The following LRP12 variants were observed in gnomAD, a reference collection of about 807,000 sequenced individuals.
LRP12 encodes the protein low-density lipoprotein receptor-related protein 12.
LRP12 carries 14 observed loss-of-function variants against 66.0 expected under a neutral mutation model. The ratio of observed to expected loss-of-function variants is 0.21; its 90% CI spans 0.14 to 0.33. The LOEUF (loss-of-function observed/expected upper bound fraction) is 0.33. LRP12 is among the 10% of genes least tolerant of loss of function. The pLI, the probability that LRP12 is intolerant of heterozygous loss-of-function variation, is 1.00. For synonymous variants in LRP12, 357 were observed against 359.1 expected (o/e 0.99, Z 0.07); for missense variants, 889 against 1,053.4 (o/e 0.84, Z 2.16).
chr8:104,513,938 T>C (rs1811035748), intron 2 of LRP12, among the ~76,000 whole-genome samples: 1 of 152,214 alleles, frequency 6.6e-6, no homozygotes, highest in Non-Finnish European at 1.5e-5. Flanking sequence ...TGATCAGACC[T>C]GTGTGTTTCC....
intron 1 of LRP12, among the ~76,000 whole-genome samples, chr8:104,582,805 G>A (rs188528657): frequency 6.6e-6 from 1 of 152,160 alleles, no homozygotes; most frequent in East Asian, 1.9e-4. Flanking sequence ...CTTGCTAAGC[G>A]TCCAAACCAT....
At chr8:104,579,943 G>C (rs1447888264) in intron 1 of LRP12, among the ~76,000 whole-genome samples, 1 of 152,096 alleles carries the variant, frequency 6.6e-6, no homozygotes, top group Non-Finnish European at 1.5e-5. Context: ...ACGGATTGAA[G>C]ACTTAAATAT....
At chr8:104,495,932 CA>C (rs71297279) in intron 5 of LRP12, 886 of 93,028 alleles carry the variant, frequency 9.5e-3, no homozygotes, top group African/African-American at 0.014. Context: ...AAACAAACAA[CA>C]AAAAAAAAAA....
At chr8:104,522,434 AC>A (rs1452165708) in intron 2 of LRP12, among the ~76,000 whole-genome samples, 2 of 152,116 alleles carry the variant, frequency 1.3e-5, no homozygotes, top group Non-Finnish European at 2.9e-5. Flanking sequence ...TATTTTATAT[AC>A]TCTGCTAATT....
rs193169132 is a variant in LRP12 at position 104,532,723 on chromosome 8, A to C, written c.80-760T>G. Among the ~76,000 whole-genome samples the C allele has an allele frequency of 3.3e-5, 5 of 152,248 alleles. No individual in the cohort carries two copies. The East Asian group carries it at 9.7e-4, about 29-fold the overall frequency. On this transcript the variant is annotated intron_variant, in intron 1 of 6. Transcript: ENST00000276654. ...TGGTTGAGAGTGGAGAAAATAGCAA[A>C]TATTGTAATTAACAACTTTTTGTTT...
At chr8:104,583,309 A>G (rs1178582374) in intron 1 of LRP12, among the ~76,000 whole-genome samples, 2 of 152,094 alleles carry the variant, frequency 1.3e-5, no homozygotes, top group Admixed American at 1.3e-4. Flanking sequence ...CTCCCTTACA[A>G]CCATTATGTT....
At chr8:104,570,958 T>A (rs561224407) in intron 1 of LRP12, among the ~76,000 whole-genome samples, 1 of 152,242 alleles carries the variant, frequency 6.6e-6, no homozygotes, top group East Asian at 1.9e-4. Context: ...AAGAAGTATA[T>A]GAGAAGATGT....
chr8:104,527,380 C>T (rs1296234162), intron 2 of LRP12, among the ~76,000 whole-genome samples: 4 of 150,960 alleles, frequency 2.6e-5, no homozygotes, highest in Non-Finnish European at 5.9e-5. Flanking sequence ...GACACATGCA[C>T]ACCTATGTTT....
intron 1 of LRP12, among the ~76,000 whole-genome samples, chr8:104,550,712 A>G (rs1400377534): frequency 6.6e-6 from 1 of 152,018 alleles, no homozygotes; most frequent in Non-Finnish European, 1.5e-5. Context: ...CATGTCTTTG[A>G]TATTTCTTTC....
At chr8:104,552,532 C>T (rs1209010442) in intron 1 of LRP12, among the ~76,000 whole-genome samples, 2 of 151,622 alleles carry the variant, frequency 1.3e-5, no homozygotes, top group African/African-American at 4.8e-5. Flanking sequence ...TTTTTTCTCT[C>T]AGCAAATAGC....
At chr8:104,558,756 G>GAA (rs373812757) in intron 1 of LRP12, among the ~76,000 whole-genome samples, 1 of 137,770 alleles carries the variant, frequency 7.3e-6, no homozygotes. Flanking sequence ...AGAGCAGTAA[G>GAA]AAAAAAAAAA....
At position 104,581,512 on chromosome 8, in the gene LRP12, G is replaced by A. The variant is rs561716802; in HGVS notation, c.79+7307C>T. Among the ~76,000 whole-genome samples, 5 of 151,182 alleles carry A rather than the reference G, an allele frequency of 3.3e-5. No homozygotes were observed. The South Asian group carries it at 1.0e-3, about 32-fold the overall frequency. ...TTACTTATATAACAAACCTGCACAT[G>A]TACTCCTGAACTTAAAAGTGAAAAA... On this transcript the variant is annotated intron_variant, in intron 1 of 6. Transcript: ENST00000276654.
At chr8:104,566,167 A>G (rs918633202) in intron 1 of LRP12, 3 of 628,028 alleles carry the variant, frequency 4.8e-6, no homozygotes, top group Non-Finnish European at 7.4e-6. Flanking sequence ...AATATTGTAC[A>G]CAAAGATTCT....
chr8:104,588,345 A>G (rs911221783), intron 1 of LRP12, among the ~76,000 whole-genome samples: 5 of 152,184 alleles, frequency 3.3e-5, no homozygotes, highest in Admixed American at 3.3e-4. Flanking sequence ...CGAGTAGGAC[A>G]AGGGCTGGCG....
chr8:104,498,887 C>T (rs903659814), intron 4 of LRP12, among the ~76,000 whole-genome samples: 2 of 152,076 alleles, frequency 1.3e-5, no homozygotes, highest in Non-Finnish European at 2.9e-5. Context: ...GTTTTTTAGA[C>T]ACAATTTAAG....
At chr8:104,555,619 T>C (rs1287458694) in intron 1 of LRP12, among the ~76,000 whole-genome samples, 3 of 152,062 alleles carry the variant, frequency 2.0e-5, no homozygotes, top group African/African-American at 7.2e-5. Context: ...ATCACAATCC[T>C]AAATATATAT....
chr8:104,570,558 A>G (rs1202863077), intron 1 of LRP12, among the ~76,000 whole-genome samples: 1 of 152,210 alleles, frequency 6.6e-6, no homozygotes, highest in Non-Finnish European at 1.5e-5. Flanking sequence ...TGTTGGAACA[A>G]TTGGTGGTTA....
chr8:104,552,124 G>A (rs1460746904), intron 1 of LRP12, among the ~76,000 whole-genome samples: 3 of 152,188 alleles, frequency 2.0e-5, no homozygotes, highest in Non-Finnish European at 4.4e-5. Flanking sequence ...TTGAATTAGA[G>A]AGAAATTTAT....
chr8:104,512,220 G>C (rs995043180), intron 2 of LRP12, among the ~76,000 whole-genome samples: 1 of 152,188 alleles, frequency 6.6e-6, no homozygotes, highest in East Asian at 1.9e-4. Flanking sequence ...AGGAGGCTGA[G>C]GCAGGAGAAT....
Sources: gnomAD v4.1 joint callset for allele counts (sites outside exome capture counted in the v4.1 genomes callset) on GRCh38, gnomAD v4.1.1 for gene constraint, MANE v1.5 for transcripts, NCBI Gene and HGNC (gene_info 2026-07-23, HGNC 2026-07-21) for gene names.